DPYD: variants seen among roughly 807,000 people sequenced by gnomAD.
DPYD encodes the protein dihydropyrimidine dehydrogenase [NADP(+)].
DPYD carries 109 observed loss-of-function variants against 116.2 expected under a neutral mutation model. The observed-to-expected ratio is 0.94, with a 90% CI of 0.80 to 1.10. The LOEUF is 1.10. Ranked by LOEUF, DPYD falls within the 50% of genes least tolerant of loss-of-function variation. The probability of loss-of-function intolerance (pLI) is 0.00; values close to 1 mark genes in which losing one functional copy is unlikely to be tolerated. For missense variants in DPYD, 1,302 were observed against 1,254.5 expected, an observed-to-expected ratio of 1.04 and a Z score of -0.57; for synonymous variants, 440 against 432.0, an observed-to-expected ratio of 1.02 and a Z score of -0.23.
intron 18 of DPYD, among the ~76,000 whole-genome samples, chr1:97,290,997 C>A (rs1051826412): frequency 5.2e-4 from 79 of 152,048 alleles, no homozygotes; most frequent in Non-Finnish European, 8.1e-4. Flanking sequence ...CAAGAAAAAA[C>A]CAAACAACCC....
chr1:97,312,755 G>A (rs1353472232), intron 16 of DPYD, among the ~76,000 whole-genome samples: 1 of 151,796 alleles, frequency 6.6e-6, no homozygotes, highest in Non-Finnish European at 1.5e-5. Context: ...TGTTAGCAGT[G>A]ATTACCTCTG....
intron 20 of DPYD, among the ~76,000 whole-genome samples, chr1:97,145,268 C>A (rs1654530809): frequency 6.6e-6 from 1 of 151,922 alleles, no homozygotes; most frequent in Non-Finnish European, 1.5e-5. Flanking sequence ...AAATAATAGA[C>A]CAAAGGTTTT....
chr1:97,551,527 C>A (rs1207287245), intron 11 of DPYD, among the ~76,000 whole-genome samples: 3 of 152,024 alleles, frequency 2.0e-5, no homozygotes, highest in Admixed American at 2.0e-4. Context: ...AAAACTTTGG[C>A]CTACAACAGA....
intron 14 of DPYD, among the ~76,000 whole-genome samples, chr1:97,382,693 T>C (rs1451837968): frequency 6.6e-6 from 1 of 152,178 alleles, no homozygotes; most frequent in Non-Finnish European, 1.5e-5. Context: ...CTGTGAACAC[T>C]TGGGCAAGTT....
At chr1:97,631,866 TA>T (rs1018817897) in intron 8 of DPYD, among the ~76,000 whole-genome samples, 4 of 151,774 alleles carry the variant, frequency 2.6e-5, no homozygotes, top group African/African-American at 9.7e-5. Flanking sequence ...AATATTAGAG[TA>T]TTTTATGGAT....
At chr1:97,868,353 T>C (rs749279469) in intron 2 of DPYD, among the ~76,000 whole-genome samples, 23 of 151,752 alleles carry the variant, frequency 1.5e-4, no homozygotes, top group Non-Finnish European at 2.8e-4. Flanking sequence ...ACTATCTTGA[T>C]AACAAGAACT....
intron 20 of DPYD, among the ~76,000 whole-genome samples, chr1:97,155,077 G>A (rs1320240449): frequency 1.3e-5 from 2 of 152,132 alleles, no homozygotes; most frequent in African/African-American, 4.8e-5. Flanking sequence ...GGTGGGGTGA[G>A]GAGTCAGTTA....
chr1:97,141,191 A>G (rs1343871950), intron 20 of DPYD, among the ~76,000 whole-genome samples: 1 of 152,174 alleles, frequency 6.6e-6, no homozygotes, highest in African/African-American at 2.4e-5. Context: ...TGGAAGCTTA[A>G]TAAGTGTATG....
chr1:97,422,619 A>G (rs1210851110), intron 14 of DPYD, among the ~76,000 whole-genome samples: 10 of 152,146 alleles, frequency 6.6e-5, no homozygotes, highest in Non-Finnish European at 1.2e-4. Context: ...GGTCACAACA[A>G]GGACCCTGAG....
At chr1:97,285,872 C>T (rs1248711630) in intron 18 of DPYD, among the ~76,000 whole-genome samples, 2 of 151,958 alleles carry the variant, frequency 1.3e-5, no homozygotes, top group Non-Finnish European at 2.9e-5. Context: ...CCCGAGTGTC[C>T]AATCACAAAC....
chr1:97,529,445 A>C (rs943424644), intron 12 of DPYD, among the ~76,000 whole-genome samples: 1 of 152,210 alleles, frequency 6.6e-6, no homozygotes, highest in Non-Finnish European at 1.5e-5. Flanking sequence ...TTAAATATTA[A>C]TATGCTGAGA....
At chr1:97,126,487 C>T (rs992246734) in intron 20 of DPYD, among the ~76,000 whole-genome samples, 2 of 152,158 alleles carry the variant, frequency 1.3e-5, no homozygotes, top group South Asian at 2.1e-4. Flanking sequence ...AGTCTATGCA[C>T]GTGCATGCTG....
At chr1:97,120,271 G>A (rs1570490768) in intron 20 of DPYD, among the ~76,000 whole-genome samples, 1 of 152,160 alleles carries the variant, frequency 6.6e-6, no homozygotes, top group South Asian at 2.1e-4. Context: ...TCCTCAATGA[G>A]GTTTCATCTT....
intron 1 of DPYD, 46 bp from the exon 2 acceptor site, chr1:97,883,420 C>G (rs749278548): frequency 1.1e-5 from 15 of 1,312,656 alleles, no homozygotes; most frequent in Admixed American, 8.5e-5. Flanking sequence ...AATATGTTGG[C>G]ATTTGTTTAA....
intron 14 of DPYD, among the ~76,000 whole-genome samples, chr1:97,439,375 T>G (rs2101754737): frequency 6.6e-6 from 1 of 152,314 alleles, no homozygotes; most frequent in Middle Eastern, 3.4e-3. Flanking sequence ...AATCTACTTG[T>G]GAAGCAATCT....
intron 14 of DPYD, among the ~76,000 whole-genome samples, chr1:97,433,486 A>T (rs1026556781): frequency 2.0e-5 from 3 of 152,148 alleles, no homozygotes; most frequent in Non-Finnish European, 1.5e-5. Flanking sequence ...ACTTTCTGAA[A>T]TTTAGTTCAT....
At chr1:97,816,486 TC>T (rs1385583948) in intron 3 of DPYD, among the ~76,000 whole-genome samples, 18 of 152,120 alleles carry the variant, frequency 1.2e-4, no homozygotes, top group Non-Finnish European at 5.9e-5. Flanking sequence ...GTAGCAGATA[TC>T]ATAGATATGC....
intron 16 of DPYD, among the ~76,000 whole-genome samples, chr1:97,356,760 C>A (rs1670448221): frequency 6.6e-6 from 1 of 152,110 alleles, no homozygotes; most frequent in South Asian, 2.1e-4. Flanking sequence ...TTCACAACAC[C>A]CTTTAATGAA....
intron 19 of DPYD, among the ~76,000 whole-genome samples, chr1:97,229,367 T>C (rs1661426452): frequency 6.7e-6 from 1 of 149,988 alleles, no homozygotes; most frequent in Non-Finnish European, 1.5e-5. Flanking sequence ...TCTCTAATAA[T>C]ATTCAACAGC....
Sources: allele counts gnomAD v4.1 joint callset (sites outside exome capture counted in the v4.1 genomes callset), GRCh38; gene constraint gnomAD v4.1.1; transcripts MANE v1.5; gene names NCBI Gene and HGNC (gene_info 2026-07-23, HGNC 2026-07-21).